The following ZNF614 variants were observed in gnomAD, a reference collection of about 807,000 sequenced individuals.
ZNF614 encodes the protein zinc finger protein 614.
ZNF614 carries 11 observed loss-of-function variants against 12.8 expected under a neutral mutation model. That is an observed-to-expected ratio of 0.86 (90% CI 0.54 to 1.43). The LOEUF (loss-of-function observed/expected upper bound fraction) is 1.43. ZNF614 is among the 40% of genes most tolerant of loss of function. The pLI, the probability that ZNF614 is intolerant of heterozygous loss-of-function variation, is 0.00. For missense variants in ZNF614, 664 were observed against 708.8 expected, an observed-to-expected ratio of 0.94 and a Z score of 0.72; for synonymous variants, 237 against 237.5, an observed-to-expected ratio of 1.00 and a Z score of 0.02.
rs1206220078 is a variant in ZNF614, at chr19:52,014,328, A to G, written c.*1512T>C. On this transcript the variant is annotated 3_prime_UTR_variant, in exon 5 of 5. Coordinates refer to ENST00000270649, the MANE Select transcript of ZNF614 (RefSeq NM_025040.4). ...CAGACTCCACAAGTTAGTGCAGTCC[A>G]AGTTAGTGCAGTGCAAGTTAGTTAG... 6.6e-6 allele frequency: 1 copy of G among 152,110 alleles called. No homozygotes were observed. Among genetic ancestry groups the G allele is most frequent in the Non-Finnish European group, 1.5e-5 (1 of 68,008 alleles). 9.4% of individuals were successfully genotyped at this position (152,110 alleles called of 1,614,324 possible).
At position 52,016,820 on chromosome 19, in the gene ZNF614, T is replaced by C. The variant is rs748569091; in HGVS notation, c.778A>G (p.Ile260Val). ...LKTNTTDKIC[I>V]PNEYRKGSTV... The stretch of plus-strand genomic sequence containing the variant: ...GAGCCTTTTCTATATTCATTGGGTA[T>C]ACAGATTTTGTCTGTTGTATTAGTT... Residue 260 changes from isoleucine (I) to valine (V), a missense_variant, in exon 5 of 5, where the codon ATA becomes GTA. Transcript: ENST00000270649. 13 of 1,613,752 alleles carry C rather than the reference T, an allele frequency of 8.1e-6. No homozygotes were observed. Among genetic ancestry groups the C allele is most frequent in the Non-Finnish European group, 1.0e-5 (12 of 1,180,040 alleles).
At chr19:52,017,643 G>A in intron 4 of ZNF614, 2 of 367,278 alleles carry the variant, frequency 5.4e-6, no homozygotes, top group South Asian at 8.9e-5. Context: ...CGAGGTTGCA[G>A]CAAGCCGAGA....
At position 52,017,371 on chromosome 19, in the gene ZNF614, C is replaced by G. The variant is rs775101897; in HGVS notation, c.239-12G>C. The G allele has an allele frequency of 2.5e-6, 4 of 1,573,672 alleles. No homozygotes were observed. Among genetic ancestry groups the G allele is most frequent in the Admixed American group, 1.8e-5 (1 of 54,148 alleles). On this transcript the variant is annotated splice_polypyrimidine_tract_variant and intron_variant, in intron 4 of 4. Coordinates refer to ENST00000270649, the MANE Select transcript of ZNF614 (RefSeq NM_025040.4). ...AACTTTCCCGATTCCTAAGAAAGAA[C>G]AGAGTAACAAATTCTTCCATGAGAA...
chr19:52,015,948 G>A lies in ZNF614; in HGVS notation c.1650C>T (p.His550=), dbSNP rs756601400. ...GCSDCEKAFS[H]LSNLVKHKKM... is the part of the protein sequence containing the mutation. ...TCTTATGTTTGACAAGGTTTGATAA[G>A]TGGGAGAAGGCTTTCTCACAATCAC... is the stretch of plus-strand genomic sequence containing the variant. The change falls in exon 5 of 5, where the codon CAC becomes CAT. Residue 550 remains histidine, a synonymous_variant. Transcript: ENST00000270649. The A allele has an allele frequency of 2.5e-5, 41 of 1,614,062 alleles. No homozygotes were observed. In the Middle Eastern group the frequency reaches 2.1e-3, roughly 84 times the overall value.
At chr19:52,025,634 C>A in intron 2 of ZNF614, 97 bp downstream of exon 2, 2 of 1,381,212 alleles carry the variant, frequency 1.4e-6, no homozygotes, top group South Asian at 2.5e-5. Flanking sequence ...GTTAATTTCT[C>A]CCTAGAACAC....
Position 52,017,297 on chromosome 19 carries a change from C to A in ZNF614, c.301G>T (p.Val101Leu). 3 of 1,613,604 alleles carry A rather than the reference C, an allele frequency of 1.9e-6. No individual in the cohort carries two copies. The highest frequency in any genetic ancestry group is 2.5e-6 in the Non-Finnish European group (3 of 1,179,982). The change falls in exon 5 of 5, where the codon GTG becomes TTG. Residue 101 changes from valine (V) to leucine (L), a missense_variant. Transcript: ENST00000270649. ...HSPNQRLLKS[V>L]QQCNGQNTLR... is the part of the protein sequence containing the mutation. Reference sequence around the variant, plus strand: ...GTATTCTGTCCATTGCATTGCTGCACGCTCTTCAGAAGTCTTTGGTTTGGA... The same window carrying A: ...GTATTCTGTCCATTGCATTGCTGCAAGCTCTTCAGAAGTCTTTGGTTTGGA...
Position 52,017,195 on chromosome 19 carries a change from T to C in ZNF614, c.403A>G (p.Lys135Glu). 6.2e-7 allele frequency: 1 copy of C among 1,614,234 alleles called. No homozygotes were observed. Among genetic ancestry groups the C allele is most frequent in the Non-Finnish European group, 8.5e-7 (1 of 1,180,050 alleles). ...QNHDTFDLYR[K>E]NLKSSLSLIN... ...AAACTTAAACTTGATTTCAAATTTT[T>C]TCTGTACAAGTCAAATGTATCATGA... Residue 135 changes from lysine (K) to glutamate (E), a missense_variant, in exon 5 of 5, where the codon AAA becomes GAA. Transcript: ENST00000270649.
chr19:52,018,590 C>T, intron 2 of ZNF614, 96 bp from the exon 3 acceptor site: 1 of 1,249,436 alleles, frequency 8.0e-7, no homozygotes, highest in Admixed American at 2.6e-5. Flanking sequence ...ATACAGCCTG[C>T]ATCTATATTC....
In ZNF614 at chr19:52,014,084, T is replaced by C. The variant is rs1187487403; in HGVS notation, c.*1756A>G. ...ATATGTTGTTAATATATTTAACATA[T>C]TCAGTTTCTTTTCTACTTAAGTTTG... On this transcript the variant is annotated 3_prime_UTR_variant, in exon 5 of 5. Coordinates refer to ENST00000270649, the MANE Select transcript of ZNF614 (RefSeq NM_025040.4). The C allele has an allele frequency of 2.6e-5, 4 of 152,308 alleles. 1 individual carries two copies. In the South Asian group the frequency reaches 6.2e-4, roughly 24 times the overall value. 9.4% of individuals were successfully genotyped at this position (152,308 alleles called of 1,614,324 possible). A position where few individuals can be genotyped will look rare whatever the true frequency, so the allele number is the denominator to read the frequency against.
rs2086898121 is a variant in ZNF614, at chr19:52,016,472, A to G, written c.1126T>C (p.Cys376Arg). ...CTCTTCACGGTAAAGCCTTTTCCAC[A>G]TTCACTGCACATATAGGGTTTCTCT... ...TGEKPYMCSECGKGFTVKSNL... is the reference protein window; with the variant it reads ...TGEKPYMCSERGKGFTVKSNL... The change falls in exon 5 of 5, where the codon TGT becomes CGT. Residue 376 changes from cysteine to arginine, a missense_variant. Cys to Arg is a radical substitution (Grantham distance 180). Transcript: ENST00000270649. 6.2e-7 allele frequency: 1 copy of G among 1,614,104 alleles called. No homozygotes were observed. The highest frequency in any genetic ancestry group is 8.5e-7 in the Non-Finnish European group (1 of 1,179,960).
chr19:52,018,172 T>C (rs1229270134), intron 3 of ZNF614, 69 bp from the exon 4 acceptor site: 3 of 1,480,184 alleles, frequency 2.0e-6, no homozygotes, highest in East Asian at 4.5e-5. Context: ...GGAAAAATAA[T>C]ACATTCGATG....
At chr19:52,018,266 C>A in intron 3 of ZNF614, 102 bp downstream of exon 3, 1 of 1,583,306 alleles carries the variant, frequency 6.3e-7, no homozygotes, top group Non-Finnish European at 8.7e-7. Context: ...AAATGTAACT[C>A]TTCCAAACAC....
chr19:52,026,511 C>CT (rs1600040843), intron 1 of ZNF614, among the ~76,000 whole-genome samples: 1 of 152,182 alleles, frequency 6.6e-6, no homozygotes, highest in Admixed American at 6.5e-5. Context: ...TGCGGAAGGC[C>CT]GCGGGGACCT....
intron 2 of ZNF614, among the ~76,000 whole-genome samples, chr19:52,020,670 A>G (rs1456665647): frequency 6.6e-6 from 1 of 152,202 alleles, no homozygotes; most frequent in Non-Finnish European, 1.5e-5. Context: ...GCTCAAAGCC[A>G]CAACTCTCTA....
Position 52,017,306 on chromosome 19 carries a change from G to A in ZNF614, c.292C>T (p.Leu98=). The A allele has an allele frequency of 1.2e-6, 2 of 1,612,992 alleles. No individual in the cohort carries two copies. Among genetic ancestry groups the A allele is most frequent in the East Asian group, 2.2e-5 (1 of 44,890 alleles). ...CCATTGCATTGCTGCACGCTCTTCA[G>A]AAGTCTTTGGTTTGGAGAGTGCTCT... ...LQEHSPNQRL[L]KSVQQCNGQN... The change falls in exon 5 of 5, where the codon CTG becomes TTG. Residue 98 remains leucine, a synonymous_variant. Coordinates refer to ENST00000270649, the MANE Select transcript of ZNF614 (RefSeq NM_025040.4).
At chr19:52,018,168 AT>A in intron 3 of ZNF614, 65 bp from the exon 4 acceptor site, 1 of 1,491,562 alleles carries the variant, frequency 6.7e-7, no homozygotes, top group Non-Finnish European at 9.3e-7. Context: ...AGATGGAAAA[AT>A]AATACATTCG....
intron 2 of ZNF614, 57 bp from the exon 3 acceptor site, chr19:52,018,551 TATAAG>T (rs2086915400): frequency 1.2e-5 from 18 of 1,512,462 alleles, no homozygotes; most frequent in Non-Finnish European, 1.6e-5. Flanking sequence ...AATATAGAAG[TATAAG>T]ATAATTTTTT....
rs141533030 is a variant in ZNF614 at position 52,016,707 on chromosome 19, T to C, written c.891A>G (p.Thr297=). The change falls in exon 5 of 5, where the codon ACA becomes ACG. Residue 297 remains threonine (T), a synonymous_variant. Transcript: ENST00000270649. ...GATGAGCAATTAGATAGCGCTTCAT[T>C]GTAAAGCCCTTTCCACACTCACTGC... ...YMCSECGKGF[T]MKRYLIAHQR... 40 of 1,614,074 alleles carry C rather than the reference T, an allele frequency of 2.5e-5. No individual in the cohort carries two copies. The highest frequency in any genetic ancestry group is 3.2e-5 in the Non-Finnish European group (38 of 1,180,054).
In ZNF614 at chr19:52,015,632, A is replaced by G. The variant is rs1223931382; in HGVS notation, c.*208T>C. On this transcript the variant is annotated 3_prime_UTR_variant, in exon 5 of 5. Coordinates refer to ENST00000270649, the MANE Select transcript of ZNF614 (RefSeq NM_025040.4). ...AGAAAATATGAGGTAAAAGACCACT[A>G]AAGGCACTACCTTATTTACTGTATT... The G allele has an allele frequency of 2.0e-6, 1 of 502,700 alleles. No individual in the cohort carries two copies. 31.1% of individuals were successfully genotyped at this position (502,700 alleles called of 1,614,324 possible).
Sources: allele counts gnomAD v4.1 joint callset (sites outside exome capture counted in the v4.1 genomes callset), GRCh38; gene constraint gnomAD v4.1.1; transcripts MANE v1.5; gene names NCBI Gene and HGNC (gene_info 2026-07-23, HGNC 2026-07-21).